COPG2: variants seen among roughly 807,000 people sequenced by gnomAD.
COPG2 encodes coatomer subunit gamma-2.
In COPG2, 37 loss-of-function variants were observed where a neutral mutation model predicts 46.3. The ratio of observed to expected loss-of-function variants is 0.80; its 90% CI spans 0.61 to 1.05. The LOEUF (loss-of-function observed/expected upper bound fraction) is 1.05, where lower values mean the gene tolerates loss of function less well. Among genes scored for constraint, COPG2 ranks in the 50% least tolerant of loss-of-function variants. The pLI is 0.00. For synonymous variants in COPG2, 159 were observed against 129.7 expected (o/e 1.23, Z -1.53); for missense variants, 427 against 387.8 (o/e 1.10, Z -0.85).
At chr7:130,590,381 G>A (rs1345167775) in intron 9 of COPG2, among the ~76,000 whole-genome samples, 2 of 152,170 alleles carry the variant, frequency 1.3e-5, no homozygotes, top group African/African-American at 4.8e-5. Context: ...TCAGCCTGCC[G>A]AGTGCCTGCG....
chr7:130,572,154 G>A (rs377156147), intron 9 of COPG2, among the ~76,000 whole-genome samples: 9 of 152,032 alleles, frequency 5.9e-5, no homozygotes, highest in Non-Finnish European at 1.2e-4. Flanking sequence ...ACACTACTTG[G>A]GTGATGGGTA....
At chr7:130,533,078 T>C (rs1330746227) in intron 20 of COPG2, among the ~76,000 whole-genome samples, 6 of 151,950 alleles carry the variant, frequency 3.9e-5, no homozygotes, top group African/African-American at 9.7e-5. Context: ...GAGAGGTGTT[T>C]CCCAATGGGC....
chr7:130,656,014 TTG>T lies in COPG2; in HGVS notation c.244-3068_244-3067del, dbSNP rs559518947. Among the ~76,000 whole-genome samples, 20 of 152,318 alleles carry T rather than the reference TTG, an allele frequency of 1.3e-4. No homozygotes were observed. In the East Asian group the frequency reaches 3.7e-3, roughly 28 times the overall value. ...TATGATTTCAATCCTTTGAAATGTG[TTG>T]TGTCTTGCTTTATGGCTCAATATAC... On this transcript the variant is annotated intron_variant, in intron 4 of 23. Coordinates refer to ENST00000425248, the MANE Select transcript of COPG2 (RefSeq NM_012133.6).
At chr7:130,603,784 T>C (rs782387662) in intron 9 of COPG2, 1 of 515,154 alleles carries the variant, frequency 1.9e-6, no homozygotes, top group East Asian at 5.5e-5. Flanking sequence ...ATAGGCATCT[T>C]GTACAGTTGA....
intron 5 of COPG2, among the ~76,000 whole-genome samples, chr7:130,632,093 T>A (rs1401160086): frequency 6.6e-6 from 1 of 152,212 alleles, no homozygotes; most frequent in Non-Finnish European, 1.5e-5. Context: ...TAGTGTCATC[T>A]CCCTTCAGCC....
intron 12 of COPG2, among the ~76,000 whole-genome samples, chr7:130,556,183 T>C (rs1401195528): frequency 6.6e-6 from 1 of 152,204 alleles, no homozygotes. Context: ...CCTGTCCTTT[T>C]TTCCGAAGGA....
At chr7:130,664,481 T>A (rs1320843909) in intron 3 of COPG2, among the ~76,000 whole-genome samples, 2 of 152,246 alleles carry the variant, frequency 1.3e-5, no homozygotes, top group East Asian at 3.8e-4. Context: ...CCTACTTTTT[T>A]ACTTGAAACT....
At chr7:130,641,213 C>T (rs1795459651) in intron 5 of COPG2, among the ~76,000 whole-genome samples, 1 of 145,388 alleles carries the variant, frequency 6.9e-6, no homozygotes, top group Non-Finnish European at 1.5e-5. Flanking sequence ...ACAGAGAAGA[C>T]AATGACTAAT....
intron 20 of COPG2, among the ~76,000 whole-genome samples, chr7:130,539,998 G>T (rs1799920857): frequency 6.6e-6 from 1 of 151,246 alleles, no homozygotes; most frequent in African/African-American, 2.4e-5. Flanking sequence ...TGAATCTTGG[G>T]CCAGGGTCTT....
chr7:130,583,509 A>T (rs1366572929), intron 9 of COPG2, among the ~76,000 whole-genome samples: 1 of 148,366 alleles, frequency 6.7e-6, no homozygotes, highest in Non-Finnish European at 1.5e-5. Context: ...AAAAAAAAAA[A>T]AAAAAAAAAA....
intron 9 of COPG2, among the ~76,000 whole-genome samples, chr7:130,577,780 A>C (rs797024803): frequency 1.7e-4 from 25 of 151,012 alleles, no homozygotes; most frequent in Non-Finnish European, 2.4e-4. Flanking sequence ...AAAAAAAAAA[A>C]AAAAAAAACA....
intron 5 of COPG2, among the ~76,000 whole-genome samples, chr7:130,627,465 A>G (rs1563063868): frequency 6.6e-6 from 1 of 152,166 alleles, no homozygotes; most frequent in Non-Finnish European, 1.5e-5. Context: ...CAAGAGCACC[A>G]TCCTATAAAA....
At chr7:130,652,443 T>C (rs1249844999) in intron 5 of COPG2, among the ~76,000 whole-genome samples, 1 of 152,220 alleles carries the variant, frequency 6.6e-6, no homozygotes, top group Non-Finnish European at 1.5e-5. Flanking sequence ...TTTTAATTTA[T>C]GTTTTTTGGT....
chr7:130,538,970 G>A lies in COPG2; in HGVS notation c.2149+8704C>T, dbSNP rs1213969302. ...AGGTCAGTAGTAAATGGGCACAGTG[G>A]GCATGCCCAGAGTTTGGATAGGATG... On this transcript the variant is annotated intron_variant, in intron 20 of 23. Transcript: ENST00000425248. 3.3e-5 allele frequency among the ~76,000 whole-genome samples: 5 copies of A among 152,104 alleles called. No individual in the cohort carries two copies. In the East Asian group the frequency reaches 9.6e-4, roughly 29 times the overall value.
In COPG2 at chr7:130,621,741, G is replaced by A. The variant is rs146081100; in HGVS notation, c.324-4676C>T. Among the ~76,000 whole-genome samples, 48 of 151,836 alleles carry A rather than the reference G, an allele frequency of 3.2e-4. 1 individual carries two copies. The South Asian group carries it at 5.4e-3, about 17-fold the overall frequency. ...GGGTGAATAACAAGGTCAGGAGTTC[G>A]CGACCAGCCTGGCCAACATAGTGAA... On this transcript the variant is annotated intron_variant, in intron 5 of 23. Transcript: ENST00000425248.
chr7:130,513,088 C>T (rs1420422655), intron 20 of COPG2, among the ~76,000 whole-genome samples: 1 of 151,340 alleles, frequency 6.6e-6, no homozygotes, highest in African/African-American at 2.4e-5. Flanking sequence ...GAGTTTGATA[C>T]CAGCCTCGCC....
chr7:130,531,197 G>C (rs1799821745), intron 20 of COPG2, among the ~76,000 whole-genome samples: 1 of 108,350 alleles, frequency 9.2e-6, no homozygotes, highest in Non-Finnish European at 1.9e-5. Context: ...TGGGTGGGGG[G>C]TGGGGAGTGG....
intron 13 of COPG2, 110 bp downstream of exon 13, chr7:130,554,927 T>C: frequency 5.0e-6 from 2 of 397,686 alleles, no homozygotes; most frequent in Non-Finnish European, 8.9e-6. Context: ...AGTGTACTAC[T>C]TGAGAGGCAT....
chr7:130,584,624 G>A (rs1794228008), intron 9 of COPG2, among the ~76,000 whole-genome samples: 1 of 151,976 alleles, frequency 6.6e-6, no homozygotes, highest in Non-Finnish European at 1.5e-5. Context: ...CTGAATACAA[G>A]ATTAATGTTC....
Sources: allele counts gnomAD v4.1 joint callset (sites outside exome capture counted in the v4.1 genomes callset), GRCh38; gene constraint gnomAD v4.1.1; transcripts MANE v1.5; gene names NCBI Gene and HGNC (gene_info 2026-07-23, HGNC 2026-07-21).